GRID2IP: variants seen among roughly 807,000 people sequenced by gnomAD.
GRID2IP encodes the protein Grid2 interacting protein.
A neutral mutation model predicts 114.3 loss-of-function variants in GRID2IP; 78 were observed. The observed-to-expected ratio is 0.68, with a 90% CI of 0.57 to 0.82. The LOEUF is 0.82. GRID2IP is among the 40% of genes least tolerant of loss of function. The probability of loss-of-function intolerance (pLI) is 0.00; values close to 1 mark genes in which losing one functional copy is unlikely to be tolerated. For synonymous variants in GRID2IP, 809 were observed against 724.0 expected (o/e 1.12, Z -1.89); for missense variants, 1,727 against 1,678.5 (o/e 1.03, Z -0.51).
rs543705351 is a variant in GRID2IP at position 6,510,891 on chromosome 7, C to G, written c.1555+17G>C. ...AACTGAGCTCCATTCATACCCTCCC[C>G]CTGACACCAGCCTTACCGCAGCTGA... On this transcript the variant is annotated intron_variant, in intron 9 of 21. Transcript: ENST00000457091. 3.2e-6 allele frequency: 5 copies of G among 1,549,882 alleles called. No homozygotes were observed. The highest frequency in any genetic ancestry group is 1.4e-5 in the African/African-American group (1 of 73,038).
chr7:6,532,636 C>T lies in GRID2IP; in HGVS notation c.585-5867G>A, dbSNP rs935236526. Among the ~76,000 whole-genome samples the T allele has an allele frequency of 3.9e-5, 6 of 152,214 alleles. No homozygotes were observed. The highest frequency in any genetic ancestry group is 1.2e-4 in the African/African-American group (5 of 41,454). ...TCCTCAGCCCTGCAAGGGAGAGAAG[C>T]AGCTGACAAGCCTCCCAGCCAGCAC... On this transcript the variant is annotated intron_variant, in intron 2 of 21. Coordinates refer to ENST00000457091, the MANE Select transcript of GRID2IP (RefSeq NM_001145118.2). The surrounding 1 kb of genome is among the most constrained non-coding windows in gnomAD (Gnocchi z 4.4).
intron 2 of GRID2IP, among the ~76,000 whole-genome samples, chr7:6,537,667 T>C (rs1306775404): frequency 2.6e-5 from 4 of 151,410 alleles, no homozygotes; most frequent in Admixed American, 2.0e-4. Flanking sequence ...TGTGAGCCAC[T>C]GTGCCCGGCT....
At chr7:6,505,727 T>C (rs1450395132) in intron 14 of GRID2IP, 93 bp downstream of exon 14, 18 of 779,034 alleles carry the variant, frequency 2.3e-5, no homozygotes, top group South Asian at 6.2e-5. Flanking sequence ...TCAGGTTAAA[T>C]AGTAGTCAGT....
At position 6,539,824 on chromosome 7, in the gene GRID2IP, C is replaced by G. The variant is rs769649909; in HGVS notation, c.478G>C (p.Ala160Pro). Residue 160 changes from alanine (A) to proline (P), a missense_variant, in exon 2 of 22, where the codon GCT becomes CCT. Ala to Pro is a conservative substitution (Grantham distance 27). Coordinates refer to ENST00000457091, the MANE Select transcript of GRID2IP (RefSeq NM_001145118.2). ...DQPTAKEQVFAALKQFAAEQR... is the reference protein window; with the variant it reads ...DQPTAKEQVFPALKQFAAEQR... The stretch of plus-strand genomic sequence containing the variant: ...TCAGCTGCAAACTGCTTCAGTGCAG[C>G]GAACACCTGCTCCTTGGCAGTTGGC... 1 of 1,551,226 alleles carries G rather than the reference C, an allele frequency of 6.4e-7. No individual in the cohort carries two copies. The highest frequency in any genetic ancestry group is 1.4e-5 in the African/African-American group (1 of 73,144).
chr7:6,529,922 CCT>C (rs1779584682), intron 2 of GRID2IP, among the ~76,000 whole-genome samples: 2 of 150,984 alleles, frequency 1.3e-5, no homozygotes, highest in South Asian at 4.2e-4. Context: ...CTCCTAGGGT[CCT>C]CTCTCCCCAC....
In GRID2IP at chr7:6,546,786, C is replaced by T. The variant is rs560871266; in HGVS notation, c.429+4222G>A. ...CTACCCTCAGCGGGTTGCTGCCCAG[C>T]CCTGCTCCTGGGCAGGTCTTCTCTT... is the stretch of plus-strand genomic sequence containing the variant. On this transcript the variant is annotated intron_variant, in intron 1 of 21. Coordinates refer to ENST00000457091, the MANE Select transcript of GRID2IP (RefSeq NM_001145118.2). Among the ~76,000 whole-genome samples the T allele has an allele frequency of 9.2e-5, 14 of 152,150 alleles. No individual in the cohort carries two copies. The South Asian group carries it at 2.7e-3, about 29-fold the overall frequency.
rs1336495346 is a variant in GRID2IP, at chr7:6,534,733, A to G, written c.584+4985T>C. Among the ~76,000 whole-genome samples the G allele has an allele frequency of 1.3e-5, 2 of 151,754 alleles. No individual in the cohort carries two copies. Among genetic ancestry groups the G allele is most frequent in the Non-Finnish European group, 1.5e-5 (1 of 67,950 alleles). On this transcript the variant is annotated intron_variant, in intron 2 of 21. Transcript: ENST00000457091. The surrounding 1 kb of genome is among the most constrained non-coding windows in gnomAD (Gnocchi z 4.5). The stretch of plus-strand genomic sequence containing the variant: ...TTTAACTTTTTTTTTTTTGGAACAG[A>G]GTCTGGCTCTGTCACCCAGGCTGGA...
In GRID2IP at chr7:6,534,058, T is replaced by C. The variant is rs186686314; in HGVS notation, c.584+5660A>G. Among the ~76,000 whole-genome samples the C allele has an allele frequency of 1.9e-3, 292 of 152,216 alleles. 1 individual carries two copies. Among genetic ancestry groups the C allele is most frequent in the African/African-American group, 6.7e-3 (278 of 41,530 alleles). ...CACCCTTAGATTCTCAACTCACCTTTCCTGCTTTCAGTTGGCCAAGTTCAT... is the reference window on the plus strand; with the variant it reads ...CACCCTTAGATTCTCAACTCACCTTCCCTGCTTTCAGTTGGCCAAGTTCAT... On this transcript the variant is annotated intron_variant, in intron 2 of 21. Transcript: ENST00000457091. This position sits in a 1 kb window ranked among gnomAD's most constrained non-coding sequence, Gnocchi z 4.5.
chr7:6,546,140 G>T (rs118078146), intron 1 of GRID2IP, among the ~76,000 whole-genome samples: 3,486 of 151,818 alleles, frequency 0.023, 65 homozygotes, highest in Middle Eastern at 0.058. Context: ...AGAAAGCGCA[G>T]GCGAGAACTG....
intron 14 of GRID2IP, among the ~76,000 whole-genome samples, chr7:6,505,321 G>A (rs1026723350): frequency 1.7e-4 from 26 of 150,868 alleles, no homozygotes; most frequent in African/African-American, 6.1e-4. Flanking sequence ...AGAAATGAGA[G>A]TCCCTGGTGT....
At chr7:6,535,290 A>G (rs1486655006) in intron 2 of GRID2IP, among the ~76,000 whole-genome samples, 1 of 152,236 alleles carries the variant, frequency 6.6e-6, no homozygotes, top group Non-Finnish European at 1.5e-5. Context: ...TCGGCCTCCT[A>G]AAGTGCTGGA....
Position 6,497,787 on chromosome 7 carries a change from G to A in GRID2IP, c.3623C>T (p.Pro1208Leu). 2 of 1,550,082 alleles carry A rather than the reference G, an allele frequency of 1.3e-6. No individual in the cohort carries two copies. The highest frequency in any genetic ancestry group is 8.7e-7 in the Non-Finnish European group (1 of 1,146,702). ...GTGTGGCCACTGTCACCAGGCCAGG[G>A]GTGAAACCATCCCGGAGCTGCGCAG... ...EGLRSSGMVS[P>L]LAW is the part of the protein sequence containing the mutation. Residue 1208 changes from proline to leucine, a missense_variant, in exon 22 of 22, where the codon CCC (proline) becomes CTC (leucine). Physicochemically the swap from Pro to Leu is moderately conservative, Grantham distance 98. Transcript: ENST00000457091.
chr7:6,516,484 G>A lies in GRID2IP; in HGVS notation c.1269-1955C>T, dbSNP rs6976528. Among the ~76,000 whole-genome samples, 3,819 of 152,162 alleles carry A rather than the reference G, an allele frequency of 0.025. 141 individuals are homozygous for A. Among genetic ancestry groups the A allele is most frequent in the African/African-American group, 0.076 (3,171 of 41,480 alleles). On this transcript the variant is annotated intron_variant, in intron 7 of 21. Transcript: ENST00000457091. The surrounding 1 kb of genome is among the most constrained non-coding windows in gnomAD (Gnocchi z 4.3). ...CAAAAGACAAGAGTGTGAGCCCTCC[G>A]TTATGCCTGGACAGGGCCACTAGAG...
intron 2 of GRID2IP, among the ~76,000 whole-genome samples, chr7:6,535,832 C>T (rs1017659537): frequency 2.6e-5 from 4 of 152,124 alleles, no homozygotes; most frequent in African/African-American, 7.2e-5. Flanking sequence ...TAGGCCAGGG[C>T]GGCACTGCCC....
At position 6,498,087 on chromosome 7, in the gene GRID2IP, CA is replaced by C; in HGVS notation, c.3540del (p.Phe1180LeufsTer5). ...ATTSEAFFGI[F>X]AEFMSKFERA... ...ACCTCGAATTTGCTCATGAACTCTG[CA>C]AAGATGCCGAAGAAAGCCTCAGAGG... On this transcript the variant is annotated frameshift_variant, in exon 21 of 22. Transcript: ENST00000457091. LOFTEE classifies it high-confidence loss of function. 1 of 1,551,332 alleles carries C rather than the reference CA, an allele frequency of 6.4e-7. No homozygotes were observed.
At chr7:6,522,807 A>ATGTGTGTGTGTGTGTGTGTGTG (rs72277817) in intron 4 of GRID2IP, among the ~76,000 whole-genome samples, 8 of 147,574 alleles carry the variant, frequency 5.4e-5, no homozygotes, top group African/African-American at 1.3e-4. Context: ...CCTGGCTAAT[A>ATGTGTGTGTGTGTGTGTGTGTG]TGTGTGTGTG....
chr7:6,543,688 T>C (rs960966352), intron 1 of GRID2IP, among the ~76,000 whole-genome samples: 1 of 151,928 alleles, frequency 6.6e-6, no homozygotes, highest in Non-Finnish European at 1.5e-5. Context: ...TAGCTCCCTG[T>C]GGCCTTGAAC....
At chr7:6,504,154 C>A (rs867014446) in intron 15 of GRID2IP, among the ~76,000 whole-genome samples, 1 of 150,630 alleles carries the variant, frequency 6.6e-6, no homozygotes, top group Admixed American at 6.6e-5. Context: ...GTCTATGAGG[C>A]TAAACTGAGG....
At chr7:6,512,215 C>CT (rs1192850291) in intron 8 of GRID2IP, among the ~76,000 whole-genome samples, 2 of 128,728 alleles carry the variant, frequency 1.6e-5, no homozygotes, top group Non-Finnish European at 3.3e-5. Flanking sequence ...CCACACCTGC[C>CT]TTTTTTTCTT....
Sources: allele counts gnomAD v4.1 joint callset (sites outside exome capture counted in the v4.1 genomes callset), GRCh38; gene constraint gnomAD v4.1.1; non-coding constraint Gnocchi (gnomAD v3.1); transcripts MANE v1.5; gene names NCBI Gene and HGNC (gene_info 2026-07-23, HGNC 2026-07-21).